CNGA3: variants seen among roughly 807,000 people sequenced by gnomAD.
CNGA3 encodes the protein cyclic nucleotide-gated channel alpha-3.
CNGA3 carries 42 observed loss-of-function variants against 46.6 expected under a neutral mutation model. That is an observed-to-expected ratio of 0.90 (90% CI 0.70 to 1.17). CNGA3 has a LOEUF of 1.17. Ranked by LOEUF, CNGA3 falls within the 50% of genes most tolerant of loss-of-function variation. CNGA3 has a pLI of 0.00. For synonymous variants in CNGA3, 394 were observed against 369.4 expected, an observed-to-expected ratio of 1.07 and a Z score of -0.76; for missense variants, 893 against 890.7, an observed-to-expected ratio of 1.00 and a Z score of -0.03.
intron 5 of CNGA3, among the ~76,000 whole-genome samples, chr2:98,384,078 G>T (rs748502659): frequency 1.3e-5 from 2 of 151,726 alleles, no homozygotes; most frequent in African/African-American, 2.4e-5. Flanking sequence ...TAGTAGAGAG[G>T]GGGGGTTTCA....
chr2:98,387,413 G>A (rs1263855704), intron 5 of CNGA3, among the ~76,000 whole-genome samples: 2 of 152,128 alleles, frequency 1.3e-5, no homozygotes, highest in Non-Finnish European at 2.9e-5. Context: ...GAAATCAGAG[G>A]GGCCTGAAGG....
chr2:98,364,286 G>A (rs1040742138), intron 1 of CNGA3, among the ~76,000 whole-genome samples: 3 of 152,162 alleles, frequency 2.0e-5, no homozygotes, highest in African/African-American at 4.8e-5. Context: ...ACTGAGCTAG[G>A]AGAATCACTT....
chr2:98,379,122 C>A (rs1343183848), intron 3 of CNGA3, among the ~76,000 whole-genome samples: 1 of 152,196 alleles, frequency 6.6e-6, no homozygotes. Context: ...TGTGTGGTTA[C>A]AGGAATTGTC....
chr2:98,347,183 G>A lies in CNGA3; in HGVS notation c.-38+649G>A, dbSNP rs1691652424. 5 of 152,292 alleles carry A rather than the reference G, an allele frequency of 3.3e-5. No individual in the cohort carries two copies. The South Asian group carries it at 8.3e-4, about 25-fold the overall frequency. The allele number at this position is 152,292 out of a possible 1,614,324, so 9.4% of individuals were successfully genotyped here. On this transcript the variant is annotated intron_variant, in intron 1 of 7. Transcript: ENST00000272602. ...CTTGGGGATTCAAAGAGAAAGGTAG[G>A]CTGAGGAGGAGGCGAGAATTAAAAT...
rs184957571 is a variant in CNGA3 at position 98,362,246 on chromosome 2, C to A, written c.-37-7693C>A. ...CCAGGCTGGAGTGCAATGGCACTAT[C>A]TCGGCTCACTGCAACCTCTGCCTCC... On this transcript the variant is annotated intron_variant, in intron 1 of 7. Coordinates refer to ENST00000272602, the MANE Select transcript of CNGA3 (RefSeq NM_001298.3). Among the ~76,000 whole-genome samples, 762 of 129,838 alleles carry A rather than the reference C, an allele frequency of 5.9e-3. 4 individuals carry two copies. The highest frequency in any genetic ancestry group is 7.9e-3 in the Non-Finnish European group (507 of 64,426). 85.2% of individuals were successfully genotyped at this position (129,838 alleles called of 152,430 possible).
intron 2 of CNGA3, among the ~76,000 whole-genome samples, chr2:98,372,202 C>A (rs1352347781): frequency 6.6e-6 from 1 of 152,238 alleles, no homozygotes; most frequent in African/African-American, 2.4e-5. Flanking sequence ...TGCTGACTCA[C>A]CCTGGTTCTG....
chr2:98,379,520 G>A (rs753918412), intron 3 of CNGA3, among the ~76,000 whole-genome samples: 4 of 152,166 alleles, frequency 2.6e-5, no homozygotes, highest in Non-Finnish European at 5.9e-5. Context: ...CACTGTGGTC[G>A]CAGGTGTTGG....
intron 1 of CNGA3, among the ~76,000 whole-genome samples, chr2:98,369,348 T>C (rs1473000768): frequency 1.3e-5 from 2 of 152,246 alleles, no homozygotes; most frequent in Non-Finnish European, 2.9e-5. Flanking sequence ...ACTTAACATC[T>C]CTGACGCTCA....
chr2:98,351,440 G>GCT (rs1691767688), intron 1 of CNGA3, among the ~76,000 whole-genome samples: 2 of 152,230 alleles, frequency 1.3e-5, no homozygotes, highest in African/African-American at 2.4e-5. Flanking sequence ...CCCTGCACAA[G>GCT]CTCTCTCTCT....
At chr2:98,357,517 C>T (rs1691909804) in intron 1 of CNGA3, among the ~76,000 whole-genome samples, 1 of 152,348 alleles carries the variant, frequency 6.6e-6, no homozygotes, top group South Asian at 2.1e-4. Flanking sequence ...CTACCTTACC[C>T]TCACTGTTTA....
chr2:98,391,809 G>T, intron 6 of CNGA3, 55 bp from the exon 7 acceptor site: 1 of 1,567,646 alleles, frequency 6.4e-7, no homozygotes, highest in Non-Finnish European at 8.8e-7. Context: ...CAGGTGGGTG[G>T]TCCACGCTCC....
At position 98,378,164 on chromosome 2, in the gene CNGA3, G is replaced by C; in HGVS notation, c.215+364G>C. On this transcript the variant is annotated intron_variant, in intron 3 of 7. Coordinates refer to ENST00000272602, the MANE Select transcript of CNGA3 (RefSeq NM_001298.3). ...ACAGTGGTGTGCTGAGGATGGTGGT[G>C]ATGAGTCTGAAATGGCTCTGGCAGG... 2.6e-6 allele frequency: 4 copies of C among 1,550,710 alleles called. No homozygotes were observed. The Admixed American group carries it at 5.9e-5, about 23-fold the overall frequency.
intron 2 of CNGA3, among the ~76,000 whole-genome samples, chr2:98,372,947 C>A (rs748771352): frequency 6.6e-6 from 1 of 152,204 alleles, no homozygotes; most frequent in Non-Finnish European, 1.5e-5. Flanking sequence ...CAGATTAATA[C>A]AGTATCCCGT....
rs538878105 is a variant in CNGA3 at position 98,391,283 on chromosome 2, G to C, written c.567-581G>C. Among the ~76,000 whole-genome samples the C allele has an allele frequency of 2.9e-3, 443 of 152,156 alleles. 1 individual carries two copies. The highest frequency in any genetic ancestry group is 1.0e-2 in the African/African-American group (415 of 41,510). On this transcript the variant is annotated intron_variant, in intron 6 of 7. Transcript: ENST00000272602. ...AAGCTGCTGCTCTCTGGTGCACGCG[G>C]GCTCTGGGGAGGCAGGGCTGGGCAC...
chr2:98,358,117 A>G (rs1691929833), intron 1 of CNGA3, among the ~76,000 whole-genome samples: 1 of 152,236 alleles, frequency 6.6e-6, no homozygotes, highest in Admixed American at 6.5e-5. Context: ...TGGTTTCATT[A>G]TCTCATTGGT....
chr2:98,393,092 C>T (rs1692830063), intron 7 of CNGA3, among the ~76,000 whole-genome samples: 1 of 152,072 alleles, frequency 6.6e-6, no homozygotes, highest in Non-Finnish European at 1.5e-5. Flanking sequence ...ATAGCAAGAC[C>T]TTGTCTCTAC....
chr2:98,357,873 T>A (rs1691921924), intron 1 of CNGA3, among the ~76,000 whole-genome samples: 1 of 152,252 alleles, frequency 6.6e-6, no homozygotes, highest in Non-Finnish European at 1.5e-5. Context: ...TAAAATTCCA[T>A]TTGTACATTT....
In CNGA3 at chr2:98,378,024, C is replaced by T. The variant is rs1692448426; in HGVS notation, c.215+224C>T. On this transcript the variant is annotated intron_variant, in intron 3 of 7. Transcript: ENST00000272602. ...GGAAAACTGCCTTTATCTGAAATTG[C>T]TTAATAAAAGCTGACATTGAGGTAC... is the stretch of plus-strand genomic sequence containing the variant. 5 of 1,543,906 alleles carry T rather than the reference C, an allele frequency of 3.2e-6. No individual in the cohort carries two copies. In the Admixed American group the frequency reaches 6.0e-5, roughly 19 times the overall value.
chr2:98,362,339 C>T (rs1425049960), intron 1 of CNGA3, among the ~76,000 whole-genome samples: 2 of 151,764 alleles, frequency 1.3e-5, no homozygotes, highest in African/African-American at 4.8e-5. Flanking sequence ...GCCACCACGC[C>T]CAGCTAATTA....
Sources: allele counts gnomAD v4.1 joint callset (sites outside exome capture counted in the v4.1 genomes callset), GRCh38; gene constraint gnomAD v4.1.1; transcripts MANE v1.5; gene names NCBI Gene and HGNC (gene_info 2026-07-23, HGNC 2026-07-21).